Variants in ZPBP observed in about 807,000 individuals in gnomAD.
ZPBP encodes the protein zona pellucida-binding protein 1.
Under a neutral mutation model 44.8 loss-of-function variants are expected in ZPBP, and 26 were observed. The observed-to-expected ratio is 0.58, with a 90% CI of 0.43 to 0.81. The LOEUF (loss-of-function observed/expected upper bound fraction) is 0.81. Ranked by LOEUF, ZPBP falls within the 30% of genes least tolerant of loss-of-function variation. The pLI is 0.00. For synonymous variants in ZPBP, 174 were observed against 153.2 expected (o/e 1.14, Z -1.00); for missense variants, 409 against 434.0 (o/e 0.94, Z 0.51).
At chr7:49,927,510 G>T (rs1396086671) in intron 1 of ZPBP, among the ~76,000 whole-genome samples, 1 of 152,150 alleles carries the variant, frequency 6.6e-6, no homozygotes, top group Non-Finnish European at 1.5e-5. Flanking sequence ...AGTCATATTG[G>T]AAGGGAGAGT....
chr7:49,964,252 C>A (rs1255762994), intron 7 of ZPBP, among the ~76,000 whole-genome samples: 1 of 151,882 alleles, frequency 6.6e-6, no homozygotes, highest in African/African-American at 2.4e-5. Flanking sequence ...CATAGCTATT[C>A]TCACAATTTA....
At chr7:50,003,465 A>G (rs775817691) in intron 6 of ZPBP, among the ~76,000 whole-genome samples, 3 of 152,240 alleles carry the variant, frequency 2.0e-5, no homozygotes, top group Non-Finnish European at 2.9e-5. Flanking sequence ...TGAAGTGAGG[A>G]TGCCCAATTC....
At chr7:49,870,130 G>T (rs142786796) in intron 2 of ZPBP, among the ~76,000 whole-genome samples, 4 of 152,340 alleles carry the variant, frequency 2.6e-5, no homozygotes, top group African/African-American at 9.6e-5. Flanking sequence ...GCTGGGTGCG[G>T]TGGCTCATAC....
chr7:50,061,988 A>G (rs1801265204), intron 3 of ZPBP, among the ~76,000 whole-genome samples: 1 of 152,238 alleles, frequency 6.6e-6, no homozygotes, highest in Non-Finnish European at 1.5e-5. Flanking sequence ...CCAAGATACA[A>G]AATCAATGTA....
chr7:50,006,053 T>C (rs1011389624), intron 6 of ZPBP, among the ~76,000 whole-genome samples: 2 of 151,742 alleles, frequency 1.3e-5, no homozygotes, highest in African/African-American at 4.9e-5. Flanking sequence ...ACAGGAGACA[T>C]AGCATTATAT....
intron 2 of ZPBP, among the ~76,000 whole-genome samples, chr7:49,851,817 T>C (rs994406962): frequency 1.3e-5 from 2 of 151,572 alleles, no homozygotes; most frequent in Non-Finnish European, 2.9e-5. Flanking sequence ...GCTTGCGCCA[T>C]TGCACTCCAG....
At chr7:49,933,612 T>C (rs1197333710), downstream of ZPBP, among the ~76,000 whole-genome samples, 2 of 152,138 alleles carry the variant, frequency 1.3e-5, no homozygotes, top group Admixed American at 6.5e-5. Context: ...CGTATGTTTA[T>C]TGCGGCACTA....
At position 50,035,928 on chromosome 7, in the gene ZPBP, T is replaced by C. The variant is rs574157946; in HGVS notation, c.488-4618A>G. ...GATTATAAAAATGCAAGATCTAATA[T>C]ATTGGAGAATGAAAATATCGTCATT... On this transcript the variant is annotated intron_variant, in intron 4 of 7. Transcript: ENST00000046087. 9.2e-5 allele frequency among the ~76,000 whole-genome samples: 14 copies of C among 152,204 alleles called. No individual in the cohort carries two copies. In the South Asian group the frequency reaches 2.5e-3, roughly 27 times the overall value.
intron 4 of ZPBP, among the ~76,000 whole-genome samples, chr7:50,052,237 C>T (rs1800731930): frequency 6.6e-6 from 1 of 151,620 alleles, no homozygotes; most frequent in Non-Finnish European, 1.5e-5. Flanking sequence ...TATTAAATAT[C>T]AAAAAACCCA....
rs1364791498 is a variant in ZPBP at position 50,056,943 on chromosome 7, TG to T, written c.487+1045del. 1.2e-4 allele frequency among the ~76,000 whole-genome samples: 18 copies of T among 152,098 alleles called. No individual in the cohort carries two copies. The East Asian group carries it at 2.9e-3, about 25-fold the overall frequency. Reference sequence around the variant, plus strand: ...GCTCATGCCTGTAATCCCAGCACTTTGGGAGGCCAAGGTGGGCAGATCATGA... The same window carrying T: ...GCTCATGCCTGTAATCCCAGCACTTTGGAGGCCAAGGTGGGCAGATCATGA... On this transcript the variant is annotated intron_variant, in intron 4 of 7. Coordinates refer to ENST00000046087, the MANE Select transcript of ZPBP (RefSeq NM_007009.3).
At chr7:50,055,728 T>C (rs1800910889) in intron 4 of ZPBP, among the ~76,000 whole-genome samples, 5 of 152,194 alleles carry the variant, frequency 3.3e-5, no homozygotes. Context: ...TAATTACATG[T>C]AAAAACAAGC....
chr7:49,973,627 A>C (rs184186504), intron 7 of ZPBP, among the ~76,000 whole-genome samples: 4 of 152,282 alleles, frequency 2.6e-5, no homozygotes, highest in African/African-American at 9.6e-5. Context: ...ATGCAAATCA[A>C]GTCCACAATG....
At chr7:50,058,678 G>A (rs1801088603) in intron 3 of ZPBP, among the ~76,000 whole-genome samples, 1 of 151,728 alleles carries the variant, frequency 6.6e-6, no homozygotes, top group African/African-American at 2.4e-5. Flanking sequence ...GAGGTTTGCA[G>A]AAGAAAAAAA....
chr7:50,014,396 A>G (rs550908143), intron 6 of ZPBP, among the ~76,000 whole-genome samples: 2 of 151,358 alleles, frequency 1.3e-5, no homozygotes, highest in African/African-American at 4.9e-5. Flanking sequence ...AAAACAGAGA[A>G]GAGTGGAACG....
intron 1 of ZPBP, among the ~76,000 whole-genome samples, chr7:49,928,254 T>C (rs1794317124): frequency 6.6e-6 from 1 of 152,216 alleles, no homozygotes; most frequent in Non-Finnish European, 1.5e-5. Flanking sequence ...CTCATTAGTG[T>C]GCATTCCTAT....
intron 4 of ZPBP, among the ~76,000 whole-genome samples, chr7:50,034,311 A>G (rs888842445): frequency 3.9e-5 from 6 of 152,038 alleles, no homozygotes; most frequent in Non-Finnish European, 8.8e-5. Flanking sequence ...ATCCCTAGAC[A>G]TCAAAACTGC....
chr7:50,005,773 C>T (rs1403300697), intron 6 of ZPBP, among the ~76,000 whole-genome samples: 3 of 150,306 alleles, frequency 2.0e-5, no homozygotes. Context: ...TAAGTTCTTC[C>T]CTAATAGTAA....
In ZPBP at chr7:50,018,222, C is replaced by T. The variant is rs1291427599; in HGVS notation, c.783+18G>A. 1.2e-6 allele frequency: 2 copies of T among 1,604,182 alleles called. No homozygotes were observed. The highest frequency in any genetic ancestry group is 1.7e-5 in the Admixed American group (1 of 59,742). ...CATTTAACTTTTTTTTTCCTTTTACCAGCCTCACATAACATACCTTAAAAA... is the reference window on the plus strand; with the variant it reads ...CATTTAACTTTTTTTTTCCTTTTACTAGCCTCACATAACATACCTTAAAAA... On this transcript the variant is annotated intron_variant, in intron 6 of 7. Coordinates refer to ENST00000046087, the MANE Select transcript of ZPBP (RefSeq NM_007009.3).
intron 2 of ZPBP, among the ~76,000 whole-genome samples, chr7:49,867,205 G>A (rs1289101582): frequency 1.3e-5 from 2 of 152,164 alleles, no homozygotes; most frequent in African/African-American, 2.4e-5. Context: ...TAAAGAGATC[G>A]AAACTTTGTC....
Sources: gnomAD v4.1 joint callset for allele counts (sites outside exome capture counted in the v4.1 genomes callset) on GRCh38, gnomAD v4.1.1 for gene constraint, MANE v1.5 for transcripts, NCBI Gene and HGNC (gene_info 2026-07-23, HGNC 2026-07-21) for gene names.